Variants in NTRK3 observed in about 807,000 individuals in gnomAD.
NTRK3 encodes the protein NT-3 growth factor receptor.
A neutral mutation model predicts 91.7 loss-of-function variants in NTRK3; 24 were observed. That is an observed-to-expected ratio of 0.26 (90% CI 0.19 to 0.37). The LOEUF is 0.37. Ranked by LOEUF, NTRK3 falls within the 10% of genes least tolerant of loss-of-function variation. The probability of loss-of-function intolerance (pLI) is 1.00; values close to 1 mark genes in which losing one functional copy is unlikely to be tolerated. For synonymous variants in NTRK3, 483 were observed against 404.0 expected (o/e 1.20, Z -2.34); for missense variants, 880 against 1,068.9 (o/e 0.82, Z 2.46).
chr15:88,232,353 C>T (rs1314534111), intron 3 of NTRK3, among the ~76,000 whole-genome samples: 1 of 151,182 alleles, frequency 6.6e-6, no homozygotes, highest in Non-Finnish European at 1.5e-5. Flanking sequence ...GTCTAATCTG[C>T]TCCCAGACCT....
At position 88,214,848 on chromosome 15, in the gene NTRK3, G is replaced by A. The variant is rs75387657; in HGVS notation, c.249-30549C>T. Reference sequence around the variant, plus strand: ...CATCTGCCCCTCCACTAGGAGGTGAGCCCCTGAAGTGCAGGGCTGTCGGGG... The same window carrying A: ...CATCTGCCCCTCCACTAGGAGGTGAACCCCTGAAGTGCAGGGCTGTCGGGG... On this transcript the variant is annotated intron_variant, in intron 3 of 18. Transcript: ENST00000394480. Among the ~76,000 whole-genome samples, 721 of 152,278 alleles carry A rather than the reference G, an allele frequency of 4.7e-3. 9 individuals carry two copies. Among genetic ancestry groups the A allele is most frequent in the African/African-American group, 0.016 (682 of 41,562 alleles).
At chr15:87,976,409 C>T (rs2073718548) in intron 14 of NTRK3, among the ~76,000 whole-genome samples, 1 of 152,198 alleles carries the variant, frequency 6.6e-6, no homozygotes, top group African/African-American at 2.4e-5. Context: ...TGAGCTCTTC[C>T]ACATTACTTT....
chr15:88,186,983 G>A (rs531584536), intron 3 of NTRK3, among the ~76,000 whole-genome samples: 3 of 152,106 alleles, frequency 2.0e-5, no homozygotes, highest in Non-Finnish European at 2.9e-5. Context: ...TAACTGCCTC[G>A]TAAGAATGAT....
chr15:88,119,268 G>C (rs1005551696), intron 13 of NTRK3, among the ~76,000 whole-genome samples: 4 of 152,186 alleles, frequency 2.6e-5, no homozygotes, highest in Non-Finnish European at 5.9e-5. Flanking sequence ...CCACATTCTA[G>C]AACTCAGTCA....
rs185384225 is a variant in NTRK3, at chr15:87,948,644, C to T, written c.1586-7891G>A. Among the ~76,000 whole-genome samples, 573 of 152,238 alleles carry T rather than the reference C, an allele frequency of 3.8e-3. 3 individuals are homozygous for T. The highest frequency in any genetic ancestry group is 0.013 in the African/African-American group (539 of 41,542). ...CGGAGATTGTGGTGAGCTGATATTG[C>T]GCCACTGCACTCCAGCCTGGGCGAC... On this transcript the variant is annotated intron_variant, in intron 14 of 18. Coordinates refer to ENST00000394480, the Ensembl canonical transcript of NTRK3.
intron 13 of NTRK3, among the ~76,000 whole-genome samples, chr15:88,036,212 G>C (rs1045702861): frequency 6.6e-6 from 1 of 151,836 alleles, no homozygotes. Flanking sequence ...ACACACACAC[G>C]TATATCAAGG....
At chr15:88,025,058 C>A (rs540762650) in intron 14 of NTRK3, among the ~76,000 whole-genome samples, 10 of 152,352 alleles carry the variant, frequency 6.6e-5, no homozygotes, top group African/African-American at 2.4e-4. Context: ...CACACACACA[C>A]ACACACAACA....
chr15:88,068,650 G>A (rs781667967), intron 13 of NTRK3, among the ~76,000 whole-genome samples: 1 of 152,300 alleles, frequency 6.6e-6, no homozygotes, highest in East Asian at 1.9e-4. Flanking sequence ...CCAAAAAGCA[G>A]CAAGGGGTCT....
At chr15:88,013,817 G>C (rs921480752) in intron 14 of NTRK3, among the ~76,000 whole-genome samples, 3 of 152,154 alleles carry the variant, frequency 2.0e-5, no homozygotes, top group African/African-American at 7.2e-5. Context: ...TGGTGCGCCT[G>C]TAGTCTCAGC....
At chr15:88,112,963 G>C (rs2051588946) in intron 13 of NTRK3, among the ~76,000 whole-genome samples, 1 of 152,168 alleles carries the variant, frequency 6.6e-6, no homozygotes. Context: ...CCTTAGGCTG[G>C]GGGCTTAGAG....
intron 3 of NTRK3, among the ~76,000 whole-genome samples, chr15:88,247,493 T>C (rs1315511198): frequency 6.6e-6 from 1 of 152,226 alleles, no homozygotes; most frequent in East Asian, 1.9e-4. Context: ...CTTGATCTTC[T>C]CTCTAACTCA....
chr15:88,016,496 G>C (rs1002519590), intron 14 of NTRK3, among the ~76,000 whole-genome samples: 1 of 152,222 alleles, frequency 6.6e-6, no homozygotes. Flanking sequence ...CTGAAAACAA[G>C]ATGAAGGAAT....
chr15:88,011,299 C>A (rs1172704768), intron 14 of NTRK3, among the ~76,000 whole-genome samples: 1 of 152,132 alleles, frequency 6.6e-6, no homozygotes, highest in African/African-American at 2.4e-5. Context: ...AGCTCAGTCT[C>A]CAGCTTGCTT....
At chr15:88,223,628 T>C (rs2050426453) in intron 3 of NTRK3, among the ~76,000 whole-genome samples, 1 of 152,226 alleles carries the variant, frequency 6.6e-6, no homozygotes, top group African/African-American at 2.4e-5. Context: ...CATCGCTCCA[T>C]GGTCTTGGAC....
chr15:88,066,016 C>T (rs76616485), intron 13 of NTRK3, among the ~76,000 whole-genome samples: 297 of 152,310 alleles, frequency 1.9e-3, no homozygotes, highest in East Asian at 0.012. Context: ...TTTTAGAGAA[C>T]GCCATAGTAA....
At chr15:88,091,566 G>C (rs2049016598) in intron 13 of NTRK3, among the ~76,000 whole-genome samples, 1 of 152,198 alleles carries the variant, frequency 6.6e-6, no homozygotes, top group African/African-American at 2.4e-5. Context: ...GTACGCACAA[G>C]GGTAGGGAGA....
intron 14 of NTRK3, among the ~76,000 whole-genome samples, chr15:87,979,768 G>C (rs891106468): frequency 7.9e-5 from 12 of 152,280 alleles, no homozygotes; most frequent in African/African-American, 2.6e-4. Flanking sequence ...GTGGGTCTCA[G>C]TCTATAAGCA....
rs60048541 is a variant in NTRK3, at chr15:88,191,163, CGTGTGTGTGTGTGTGTGTGT to C, written c.249-6884_249-6865del. ...GGAGGCAGCTGAAGCTGATGTTTCC[CGTGTGTGTGTGTGTGTGTGT>C]GTGTGTGTGTGTGTGTGTGTGTGTG... On this transcript the variant is annotated intron_variant, in intron 3 of 18. Coordinates refer to ENST00000394480, the Ensembl canonical transcript of NTRK3. 3.1e-4 allele frequency among the ~76,000 whole-genome samples: 43 copies of C among 137,966 alleles called. No individual in the cohort carries two copies. In the South Asian group the frequency reaches 8.9e-3, roughly 28 times the overall value. 90.5% of individuals were successfully genotyped at this position (137,966 alleles called of 152,430 possible).
At chr15:88,123,316 G>C (rs1036770013) in intron 13 of NTRK3, among the ~76,000 whole-genome samples, 2 of 152,164 alleles carry the variant, frequency 1.3e-5, no homozygotes, top group African/African-American at 2.4e-5. Flanking sequence ...AAGTGGTATC[G>C]TACATTCTCA....
Sources: gnomAD v4.1 joint callset for allele counts (sites outside exome capture counted in the v4.1 genomes callset) on GRCh38, gnomAD v4.1.1 for gene constraint, MANE v1.5 for transcripts, NCBI Gene and HGNC (gene_info 2026-07-23, HGNC 2026-07-21) for gene names.